ZFAT: variants seen among roughly 807,000 people sequenced by gnomAD.
The protein encoded by ZFAT is zinc finger protein ZFAT.
Under a neutral mutation model 117.7 loss-of-function variants are expected in ZFAT, and 64 were observed. That is an observed-to-expected ratio of 0.54 (90% CI 0.44 to 0.67). The LOEUF is 0.67. Ranked by LOEUF, ZFAT falls within the 30% of genes least tolerant of loss-of-function variation. The probability of loss-of-function intolerance (pLI) is 0.00; values close to 1 mark genes in which losing one functional copy is unlikely to be tolerated. For missense variants in ZFAT, 1,433 were observed against 1,584.5 expected (o/e 0.90, Z 1.62); for synonymous variants, 679 against 615.0 (o/e 1.10, Z -1.54).
the ZFAT span, among the ~76,000 whole-genome samples, chr8:134,747,537 C>G: frequency 6.6e-6 from 1 of 152,342 alleles, no homozygotes; most frequent in South Asian, 2.1e-4. Context: ...AATACCGAAT[C>G]AGCAAGGTCC....
At chr8:134,701,174 C>T (rs781743777) in intron 1 of ZFAT, among the ~76,000 whole-genome samples, 4 of 152,144 alleles carry the variant, frequency 2.6e-5, no homozygotes, top group Non-Finnish European at 5.9e-5. Flanking sequence ...ACACTAACTC[C>T]GGATGCCTCC....
At chr8:134,482,733 G>C (rs1299376422) in intron 15 of ZFAT, among the ~76,000 whole-genome samples, 1 of 152,178 alleles carries the variant, frequency 6.6e-6, no homozygotes, top group Non-Finnish European at 1.5e-5. Flanking sequence ...GTCATTCTTT[G>C]GGCTTAATTC....
chr8:134,626,928 G>A (rs1360795071), intron 3 of ZFAT, among the ~76,000 whole-genome samples: 1 of 152,248 alleles, frequency 6.6e-6, no homozygotes, highest in African/African-American at 2.4e-5. Context: ...TGCCTACATT[G>A]AGGGATTGTG....
chr8:134,500,430 G>A (rs181094100), intron 15 of ZFAT, among the ~76,000 whole-genome samples: 3 of 152,294 alleles, frequency 2.0e-5, no homozygotes, highest in Non-Finnish European at 2.9e-5. Context: ...TGGCTTGCAT[G>A]GGAAAAAGGC....
At chr8:134,672,731 C>G (rs1321830709) in intron 1 of ZFAT, among the ~76,000 whole-genome samples, 1 of 152,062 alleles carries the variant, frequency 6.6e-6, no homozygotes, top group Non-Finnish European at 1.5e-5. Context: ...CAACATTTTT[C>G]AAATGTTGAA....
intron 10 of ZFAT, among the ~76,000 whole-genome samples, chr8:134,574,142 T>C (rs965643970): frequency 6.6e-6 from 1 of 152,114 alleles, no homozygotes; most frequent in Non-Finnish European, 1.5e-5. Flanking sequence ...GAGAGGGGGA[T>C]GTCAATGTGG....
chr8:134,528,001 C>T (rs1379423517), intron 12 of ZFAT, among the ~76,000 whole-genome samples: 1 of 152,202 alleles, frequency 6.6e-6, no homozygotes, highest in Non-Finnish European at 1.5e-5. Flanking sequence ...AGAAAATAAA[C>T]AGTATCCATG....
chr8:134,781,959 A>G, the ZFAT span, among the ~76,000 whole-genome samples: 1 of 152,148 alleles, frequency 6.6e-6, no homozygotes. Context: ...GTTATCAGTA[A>G]GGCTTCCAGT....
At chr8:134,830,811 A>G in the ZFAT span, among the ~76,000 whole-genome samples, 4 of 152,222 alleles carry the variant, frequency 2.6e-5, no homozygotes, top group African/African-American at 9.7e-5. Flanking sequence ...TCAAATATAT[A>G]TATTTTTAAA....
At chr8:134,696,251 G>C (rs1833837001) in intron 1 of ZFAT, among the ~76,000 whole-genome samples, 1 of 152,238 alleles carries the variant, frequency 6.6e-6, no homozygotes, top group Admixed American at 6.5e-5. Flanking sequence ...CCCAGACCCA[G>C]GCCGCATCTC....
At chr8:134,695,260 C>T (rs896993353) in intron 1 of ZFAT, among the ~76,000 whole-genome samples, 5 of 152,052 alleles carry the variant, frequency 3.3e-5, no homozygotes, top group Non-Finnish European at 5.9e-5. Flanking sequence ...GAAGCCTCGG[C>T]TCTGCTCCCA....
Position 134,555,908 on chromosome 8 carries a change from C to G in ZFAT, c.2976+9425G>C, listed in dbSNP as rs193191718. On this transcript the variant is annotated intron_variant, in intron 11 of 15. Coordinates refer to ENST00000377838, the MANE Select transcript of ZFAT (RefSeq NM_020863.4). ...GAAAGTGCTACATGGGAGGCTGAGG[C>G]AGGAGGATCATTTGAGCCCAGGAGC... Among the ~76,000 whole-genome samples the G allele has an allele frequency of 8.3e-5, 12 of 144,858 alleles. No individual in the cohort carries two copies. In the East Asian group the frequency reaches 2.5e-3, roughly 30 times the overall value.
At chr8:134,508,245 T>A (rs905307426) in intron 15 of ZFAT, among the ~76,000 whole-genome samples, 6 of 152,156 alleles carry the variant, frequency 3.9e-5, no homozygotes, top group Non-Finnish European at 8.8e-5. Context: ...TGGCCTGAAT[T>A]TCATGCTTTG....
At chr8:134,725,763 C>A in the ZFAT span, among the ~76,000 whole-genome samples, 843 of 151,710 alleles carry the variant, frequency 5.6e-3, 8 homozygotes, top group African/African-American at 0.019. Flanking sequence ...AACCAGAGCC[C>A]TTTTTGGTAA....
At chr8:134,661,036 G>A (rs1447043496) in intron 1 of ZFAT, among the ~76,000 whole-genome samples, 2 of 152,234 alleles carry the variant, frequency 1.3e-5, no homozygotes, top group Non-Finnish European at 2.9e-5. Context: ...CAGGAACCTG[G>A]AACGATTCTC....
intron 11 of ZFAT, among the ~76,000 whole-genome samples, chr8:134,541,950 C>A (rs1563827423): frequency 6.6e-6 from 1 of 152,230 alleles, no homozygotes; most frequent in South Asian, 2.1e-4. Context: ...TCATTCACCA[C>A]CTTCTACTGG....
At chr8:134,725,377 G>A in the ZFAT span, among the ~76,000 whole-genome samples, 3 of 152,166 alleles carry the variant, frequency 2.0e-5, no homozygotes, top group South Asian at 6.2e-4. Context: ...CATAGCACTG[G>A]CATCTGCTCA....
the ZFAT span, chr8:134,795,197 T>C: frequency 6.6e-6 from 1 of 152,152 alleles, no homozygotes; most frequent in South Asian, 2.1e-4. Flanking sequence ...GATAACGAAA[T>C]GAATGTTGCT....
intron 2 of ZFAT, among the ~76,000 whole-genome samples, chr8:134,640,036 G>T (rs1005131668): frequency 4.6e-5 from 7 of 152,206 alleles, no homozygotes; most frequent in African/African-American, 1.7e-4. Context: ...TGGGAGAGAG[G>T]TAACTTTGCT....
Sources: gnomAD v4.1 joint callset for allele counts (sites outside exome capture counted in the v4.1 genomes callset) on GRCh38, gnomAD v4.1.1 for gene constraint, MANE v1.5 for transcripts, NCBI Gene and HGNC (gene_info 2026-07-23, HGNC 2026-07-21) for gene names.